The following SDK1 variants were observed in gnomAD, a reference collection of about 807,000 sequenced individuals.
SDK1 encodes the protein protein sidekick-1.
In SDK1, 157 loss-of-function variants were observed where a neutral mutation model predicts 245.5. That is an observed-to-expected ratio of 0.64 (90% CI 0.56 to 0.73). The LOEUF (loss-of-function observed/expected upper bound fraction) is 0.73. Among genes scored for constraint, SDK1 ranks in the 30% least tolerant of loss-of-function variants. SDK1 has a pLI of 0.00. For synonymous variants in SDK1, 1,647 were observed against 1,278.5 expected, an observed-to-expected ratio of 1.29 and a Z score of -6.15; for missense variants, 3,583 against 3,002.3, an observed-to-expected ratio of 1.19 and a Z score of -4.52.
chr7:3,605,153 C>CACACAG (rs1341083462), intron 1 of SDK1, among the ~76,000 whole-genome samples: 2 of 151,228 alleles, frequency 1.3e-5, no homozygotes, highest in African/African-American at 4.9e-5. Flanking sequence ...GAAACACACA[C>CACACAG]ACACACACAC....
intron 1 of SDK1, among the ~76,000 whole-genome samples, chr7:3,324,884 C>T (rs1221356328): frequency 1.3e-5 from 2 of 152,078 alleles, no homozygotes; most frequent in East Asian, 3.8e-4. Flanking sequence ...GAAAGTCCTC[C>T]CATGCTTCAT....
At chr7:3,654,502 C>T (rs2128656999) in intron 4 of SDK1, among the ~76,000 whole-genome samples, 1 of 152,266 alleles carries the variant, frequency 6.6e-6, no homozygotes, top group South Asian at 2.1e-4. Flanking sequence ...ACCTTATAAG[C>T]AATAATAGGT....
In SDK1 at chr7:3,959,005, C is replaced by G; in HGVS notation, c.1225C>G (p.Gln409Glu). ...EVEETVDIGC[Q>E]AMGVPLPTLQ... ...AGAAGAAACTGTGGACATCGGATGTCAAGCCATGGGTGAGTGCAGAGTGGC... is the reference window on the plus strand; with the variant it reads ...AGAAGAAACTGTGGACATCGGATGTGAAGCCATGGGTGAGTGCAGAGTGGC... Residue 409 changes from glutamine (Q) to glutamate (E), a missense_variant, in exon 8 of 45, where the codon CAA (glutamine) becomes GAA (glutamate). Physicochemically the swap from Gln to Glu is conservative, Grantham distance 29. Transcript: ENST00000404826. 2 of 1,613,334 alleles carry G rather than the reference C, an allele frequency of 1.2e-6. No homozygotes were observed. Among genetic ancestry groups the G allele is most frequent in the East Asian group, 2.2e-5 (1 of 44,876 alleles).
At chr7:3,823,860 C>T (rs1390597620) in intron 5 of SDK1, among the ~76,000 whole-genome samples, 1 of 151,686 alleles carries the variant, frequency 6.6e-6, no homozygotes, top group Non-Finnish European at 1.5e-5. Context: ...AGGAAACTGC[C>T]TTATTTTAAT....
chr7:3,866,950 C>G (rs112475858), intron 5 of SDK1, among the ~76,000 whole-genome samples: 67 of 152,250 alleles, frequency 4.4e-4, no homozygotes, highest in African/African-American at 1.5e-3. Flanking sequence ...CTTGGTAGGC[C>G]TTAGGCTGGT....
At chr7:4,107,346 C>G (rs550774446) in intron 22 of SDK1, among the ~76,000 whole-genome samples, 1 of 152,092 alleles carries the variant, frequency 6.6e-6, no homozygotes, top group Admixed American at 6.5e-5. Context: ...AAGCGCCCAC[C>G]GGTCACTTGG....
intron 17 of SDK1, among the ~76,000 whole-genome samples, chr7:4,024,659 C>T (rs889095720): frequency 6.6e-6 from 1 of 152,154 alleles, no homozygotes; most frequent in African/African-American, 2.4e-5. Context: ...ATAAGATAAG[C>T]ATCATATCCC....
intron 1 of SDK1, among the ~76,000 whole-genome samples, chr7:3,534,263 A>T (rs1188072313): frequency 2.0e-5 from 3 of 152,084 alleles, no homozygotes; most frequent in African/African-American, 7.2e-5. Flanking sequence ...TTATATGTAT[A>T]TACTACATTT....
At chr7:4,037,625 T>C (rs1423027993) in intron 17 of SDK1, among the ~76,000 whole-genome samples, 1 of 152,116 alleles carries the variant, frequency 6.6e-6, no homozygotes, top group Non-Finnish European at 1.5e-5. Flanking sequence ...ATCTCAAAAA[T>C]AAAAATAAAA....
intron 1 of SDK1, among the ~76,000 whole-genome samples, chr7:3,553,843 C>G (rs1465971915): frequency 6.6e-6 from 1 of 152,186 alleles, no homozygotes. Flanking sequence ...ACTCCTTCTA[C>G]TGAGGGACAC....
intron 4 of SDK1, among the ~76,000 whole-genome samples, chr7:3,686,841 G>A (rs992235015): frequency 4.6e-5 from 7 of 152,278 alleles, no homozygotes; most frequent in African/African-American, 1.7e-4. Flanking sequence ...TGGAGAGTTG[G>A]AATAATTTCA....
intron 1 of SDK1, among the ~76,000 whole-genome samples, chr7:3,303,410 ATGG>A (rs1455486736): frequency 6.6e-6 from 1 of 152,176 alleles, no homozygotes; most frequent in Non-Finnish European, 1.5e-5. Flanking sequence ...ACAGACTGAA[ATGG>A]TGGGGAAAAA....
chr7:3,400,368 A>G (rs1192561016), intron 1 of SDK1, among the ~76,000 whole-genome samples: 1 of 152,064 alleles, frequency 6.6e-6, no homozygotes, highest in South Asian at 2.1e-4. Context: ...CATTGTTTTT[A>G]TGCATGGGAG....
At chr7:3,861,365 A>G (rs539434546) in intron 5 of SDK1, among the ~76,000 whole-genome samples, 1 of 152,304 alleles carries the variant, frequency 6.6e-6, no homozygotes, top group South Asian at 2.1e-4. Flanking sequence ...TCCATTCGGT[A>G]TCTTTAAAGT....
chr7:4,058,941 T>G (rs950236119), intron 19 of SDK1, among the ~76,000 whole-genome samples: 1 of 151,450 alleles, frequency 6.6e-6, no homozygotes, highest in African/African-American at 2.4e-5. Flanking sequence ...AACACACAAA[T>G]AAGGAAGAGA....
intron 1 of SDK1, among the ~76,000 whole-genome samples, chr7:3,573,807 C>T (rs1462694374): frequency 1.3e-5 from 2 of 151,864 alleles, no homozygotes; most frequent in African/African-American, 4.8e-5. Flanking sequence ...GCTGAGAACC[C>T]TTGAAGCCCC....
At chr7:3,438,913 T>G (rs1244017648) in intron 1 of SDK1, among the ~76,000 whole-genome samples, 1 of 147,908 alleles carries the variant, frequency 6.8e-6, no homozygotes, top group East Asian at 2.0e-4. Context: ...AGTGCAGTGG[T>G]GCGATCTTGG....
intron 40 of SDK1, among the ~76,000 whole-genome samples, chr7:4,232,588 G>C (rs1785866236): frequency 6.6e-6 from 1 of 151,626 alleles, no homozygotes; most frequent in Non-Finnish European, 1.5e-5. Flanking sequence ...TCAGCCTCTT[G>C]AGTAGTAGTA....
At chr7:3,741,654 CATT>C (rs1779477763) in intron 4 of SDK1, among the ~76,000 whole-genome samples, 1 of 152,130 alleles carries the variant, frequency 6.6e-6, no homozygotes, top group Non-Finnish European at 1.5e-5. Context: ...AGGAGTGTAT[CATT>C]TACATTTACA....
Sources: gnomAD v4.1 joint callset for allele counts (sites outside exome capture counted in the v4.1 genomes callset) on GRCh38, gnomAD v4.1.1 for gene constraint, MANE v1.5 for transcripts, NCBI Gene and HGNC (gene_info 2026-07-23, HGNC 2026-07-21) for gene names.